Variants in ADGRB3 observed in about 807,000 individuals in gnomAD.
The protein encoded by ADGRB3 is brain-specific angiogenesis inhibitor 3.
In ADGRB3, 37 loss-of-function variants were observed where a neutral mutation model predicts 193.4. That is an observed-to-expected ratio of 0.19 (90% CI 0.15 to 0.25). The LOEUF (loss-of-function observed/expected upper bound fraction) is 0.25, where lower values mean the gene tolerates loss of function less well. ADGRB3 is among the 10% of genes least tolerant of loss of function. The pLI, the probability that ADGRB3 is intolerant of heterozygous loss-of-function variation, is 1.00. For missense variants in ADGRB3, 1,637 were observed against 1,852.9 expected, an observed-to-expected ratio of 0.88 and a Z score of 2.14; for synonymous variants, 690 against 644.2, an observed-to-expected ratio of 1.07 and a Z score of -1.08.
At chr6:69,132,410 A>G (rs578048961) in intron 17 of ADGRB3, among the ~76,000 whole-genome samples, 248 of 152,238 alleles carry the variant, frequency 1.6e-3, no homozygotes, top group African/African-American at 5.8e-3. Flanking sequence ...TTTGTTGGCC[A>G]CATAAATGTT....
chr6:69,036,748 T>C (rs1442809980), intron 13 of ADGRB3, among the ~76,000 whole-genome samples: 3 of 152,148 alleles, frequency 2.0e-5, no homozygotes, highest in Admixed American at 2.0e-4. Context: ...AAAAGATCTG[T>C]GCATCTTAGT....
intron 17 of ADGRB3, among the ~76,000 whole-genome samples, chr6:69,151,109 G>A (rs1582501129): frequency 6.6e-6 from 1 of 152,344 alleles, no homozygotes; most frequent in Admixed American, 6.5e-5. Flanking sequence ...AGTAGCCCCA[G>A]CTGGTGTCTC....
intron 3 of ADGRB3, among the ~76,000 whole-genome samples, chr6:68,803,915 C>T (rs913210262): frequency 3.3e-5 from 5 of 152,174 alleles, no homozygotes; most frequent in African/African-American, 7.2e-5. Context: ...TCATTATCTT[C>T]ACTTTTATCC....
intron 8 of ADGRB3, among the ~76,000 whole-genome samples, chr6:68,964,835 G>C (rs1018110936): frequency 6.6e-6 from 1 of 152,130 alleles, no homozygotes; most frequent in Non-Finnish European, 1.5e-5. Context: ...TTCATGGTTT[G>C]CTAACTTCCA....
At chr6:68,654,846 ACATG>A (rs1768454393) in intron 3 of ADGRB3, among the ~76,000 whole-genome samples, 1 of 151,890 alleles carries the variant, frequency 6.6e-6, no homozygotes, top group Non-Finnish European at 1.5e-5. Flanking sequence ...TTGAAAATTC[ACATG>A]AAGTCTTTGT....
intron 3 of ADGRB3, among the ~76,000 whole-genome samples, chr6:68,669,607 TGTG>T (rs1389850356): frequency 2.4e-4 from 5 of 20,902 alleles, no homozygotes; most frequent in African/African-American, 6.1e-4. Context: ...TACTCCATTG[TGTG>T]TGTGTGTGTG....
chr6:68,746,058 A>G (rs932535105), intron 3 of ADGRB3, among the ~76,000 whole-genome samples: 2 of 152,140 alleles, frequency 1.3e-5, no homozygotes, highest in Admixed American at 1.3e-4. Flanking sequence ...AGAATTCTGC[A>G]TCACAGATAT....
chr6:68,655,008 A>T (rs1401968305), intron 3 of ADGRB3, among the ~76,000 whole-genome samples: 2 of 151,594 alleles, frequency 1.3e-5, no homozygotes, highest in Admixed American at 6.6e-5. Flanking sequence ...ATTTAGTTTT[A>T]CATTTCTGAG....
At chr6:69,293,277 C>T (rs1259436546) in intron 20 of ADGRB3, among the ~76,000 whole-genome samples, 1 of 150,586 alleles carries the variant, frequency 6.6e-6, no homozygotes, top group Admixed American at 6.6e-5. Context: ...AGACAAACAC[C>T]CACTTTCTCT....
At chr6:68,965,561 C>A (rs1319545471) in intron 8 of ADGRB3, among the ~76,000 whole-genome samples, 1 of 151,952 alleles carries the variant, frequency 6.6e-6, no homozygotes, top group African/African-American at 2.4e-5. Flanking sequence ...TGATTTAAGC[C>A]CTGTATCATT....
intron 3 of ADGRB3, among the ~76,000 whole-genome samples, chr6:68,793,935 G>C (rs1485684766): frequency 6.6e-6 from 1 of 152,122 alleles, no homozygotes; most frequent in Non-Finnish European, 1.5e-5. Context: ...TCTGCAAACT[G>C]TATATATTTA....
intron 3 of ADGRB3, among the ~76,000 whole-genome samples, chr6:68,810,336 A>G (rs1767485980): frequency 6.6e-6 from 1 of 152,156 alleles, no homozygotes; most frequent in African/African-American, 2.4e-5. Flanking sequence ...CCCCAACCCA[A>G]ATGAGAACCA....
intron 17 of ADGRB3, among the ~76,000 whole-genome samples, chr6:69,230,672 A>G (rs188320956): frequency 8.7e-4 from 132 of 152,378 alleles, no homozygotes; most frequent in African/African-American, 3.1e-3. Context: ...ATGAAACAAT[A>G]TAAATTTTAT....
chr6:68,941,489 T>A (rs1327139435), intron 5 of ADGRB3, among the ~76,000 whole-genome samples: 1 of 152,136 alleles, frequency 6.6e-6, no homozygotes, highest in Non-Finnish European at 1.5e-5. Context: ...TAATCAACAT[T>A]TTTTGAGATT....
At chr6:68,719,452 C>T (rs1006928565) in intron 3 of ADGRB3, among the ~76,000 whole-genome samples, 2 of 151,692 alleles carry the variant, frequency 1.3e-5, no homozygotes, top group Admixed American at 1.3e-4. Flanking sequence ...AATAATTACA[C>T]CTCAAAACGA....
chr6:68,980,491 G>A (rs1441287477), intron 10 of ADGRB3, among the ~76,000 whole-genome samples: 3 of 151,206 alleles, frequency 2.0e-5, no homozygotes, highest in Non-Finnish European at 4.4e-5. Context: ...CACTTTTTTG[G>A]TCACCATCTG....
chr6:68,891,309 C>T (rs550718282), intron 3 of ADGRB3, among the ~76,000 whole-genome samples: 1 of 152,042 alleles, frequency 6.6e-6, no homozygotes, highest in South Asian at 2.1e-4. Flanking sequence ...GGACACAGAG[C>T]CAAACCATAT....
At chr6:68,821,760 TATTA>T (rs1353984604) in intron 3 of ADGRB3, among the ~76,000 whole-genome samples, 3 of 151,914 alleles carry the variant, frequency 2.0e-5, no homozygotes, top group Admixed American at 1.3e-4. Context: ...ACTTTTGTGG[TATTA>T]ATTAATTTAT....
intron 29 of ADGRB3, among the ~76,000 whole-genome samples, chr6:69,368,294 A>G (rs1402773132): frequency 1.3e-5 from 2 of 152,172 alleles, no homozygotes; most frequent in African/African-American, 4.8e-5. Flanking sequence ...GATAACAGTC[A>G]GAAAGCTGCT....
Sources: allele counts gnomAD v4.1 joint callset (sites outside exome capture counted in the v4.1 genomes callset), GRCh38; gene constraint gnomAD v4.1.1; transcripts MANE v1.5; gene names NCBI Gene and HGNC (gene_info 2026-07-23, HGNC 2026-07-21).